The following PALLD variants were observed in gnomAD, a reference collection of about 807,000 sequenced individuals.
PALLD encodes palladin.
A neutral mutation model predicts 123.5 loss-of-function variants in PALLD; 61 were observed. The ratio of observed to expected loss-of-function variants is 0.49; its 90% confidence interval spans 0.40 to 0.61. PALLD has a LOEUF of 0.61. Ranked by LOEUF, PALLD falls within the 20% of genes least tolerant of loss-of-function variation. PALLD has a pLI of 0.00. For missense variants in PALLD, 1,273 were observed against 1,377.0 expected (o/e 0.92, Z 1.20); for synonymous variants, 465 against 496.4 (o/e 0.94, Z 0.84).
At chr4:168,787,594 T>A (rs1272956454) in intron 10 of PALLD, among the ~76,000 whole-genome samples, 2 of 152,234 alleles carry the variant, frequency 1.3e-5, no homozygotes, top group African/African-American at 4.8e-5. Flanking sequence ...GTGGCTGTCA[T>A]ACTGAACAGT....
chr4:168,886,973 C>T (rs993670736), intron 10 of PALLD, among the ~76,000 whole-genome samples: 1 of 151,876 alleles, frequency 6.6e-6, no homozygotes, highest in Non-Finnish European at 1.5e-5. Context: ...AAAAATTAGC[C>T]AGGCGTGGTG....
chr4:168,741,118 G>A (rs1788283239), intron 10 of PALLD, among the ~76,000 whole-genome samples: 2 of 151,996 alleles, frequency 1.3e-5, no homozygotes, highest in African/African-American at 4.8e-5. Context: ...CCCTATATAT[G>A]GCTCATTTCC....
chr4:168,542,629 A>C (rs897305983), intron 2 of PALLD, among the ~76,000 whole-genome samples: 5 of 143,876 alleles, frequency 3.5e-5, no homozygotes, highest in African/African-American at 1.3e-4. Flanking sequence ...GTAAAGCTAT[A>C]TGTAAGGCTC....
chr4:168,778,583 A>G (rs1581424106), intron 10 of PALLD, among the ~76,000 whole-genome samples: 1 of 152,202 alleles, frequency 6.6e-6, no homozygotes, highest in African/African-American at 2.4e-5. Context: ...AGCACATAGT[A>G]GATACTTAAT....
intron 2 of PALLD, among the ~76,000 whole-genome samples, chr4:168,542,545 T>C (rs1197632496): frequency 2.0e-5 from 3 of 151,380 alleles, no homozygotes; most frequent in Non-Finnish European, 4.4e-5. Context: ...TTTACCTAAC[T>C]TGGCACTTTA....
chr4:168,678,853 TGGTGTGTCGTGTG>T (rs1781148688), intron 3 of PALLD, among the ~76,000 whole-genome samples: 2 of 143,086 alleles, frequency 1.4e-5, no homozygotes, highest in Non-Finnish European at 3.1e-5. Flanking sequence ...GTGGTGTGTG[TGGTGTGTCGTGTG>T]GGTGTGGCGT....
chr4:168,549,754 C>CTATTT (rs1766535198), intron 2 of PALLD, among the ~76,000 whole-genome samples: 1 of 148,222 alleles, frequency 6.7e-6, no homozygotes, highest in Non-Finnish European at 1.5e-5. Flanking sequence ...CATTCATGGG[C>CTATTT]AATAGTTCAA....
intron 10 of PALLD, among the ~76,000 whole-genome samples, chr4:168,795,629 T>C (rs1216703868): frequency 2.0e-5 from 3 of 152,196 alleles, no homozygotes; most frequent in Non-Finnish European, 4.4e-5. Context: ...ATATAGAATG[T>C]TCTATTCCCC....
In PALLD at chr4:168,693,757, A is replaced by G. The variant is rs978703288; in HGVS notation, c.1501+2465A>G. Among the ~76,000 whole-genome samples the G allele has an allele frequency of 3.9e-5, 6 of 152,226 alleles. No homozygotes were observed. In the South Asian group the frequency reaches 6.2e-4, roughly 16 times the overall value. ...CCTGACCTACGATGATTTCTCCACA[A>G]TTGTTTTTACCATGACACGACGAGA... is the stretch of plus-strand genomic sequence containing the variant. On this transcript the variant is annotated intron_variant, in intron 8 of 21. Coordinates refer to ENST00000505667, the MANE Select transcript of PALLD (RefSeq NM_001166108.2).
At chr4:168,843,045 A>G (rs193268676) in intron 10 of PALLD, among the ~76,000 whole-genome samples, 15 of 152,356 alleles carry the variant, frequency 9.8e-5, no homozygotes, top group Admixed American at 5.2e-4. Context: ...AGGGAAATAC[A>G]TAGTGCCACC....
At chr4:168,894,554 AT>A (rs777923870) in intron 11 of PALLD, 24 bp from the exon 12 acceptor site, 3 of 1,518,972 alleles carry the variant, frequency 2.0e-6, no homozygotes, top group South Asian at 1.1e-5. Flanking sequence ...CTAATTTTGT[AT>A]TTTTTGTGAC....
chr4:168,719,153 G>A (rs778270867), intron 10 of PALLD, among the ~76,000 whole-genome samples: 13 of 150,318 alleles, frequency 8.6e-5, no homozygotes, highest in African/African-American at 2.0e-4. Context: ...TGACCCACCC[G>A]TCTTGTCCTC....
intron 10 of PALLD, among the ~76,000 whole-genome samples, chr4:168,730,619 C>A (rs1425814170): frequency 1.3e-5 from 2 of 152,070 alleles, no homozygotes; most frequent in Non-Finnish European, 2.9e-5. Flanking sequence ...TGTCAATGGG[C>A]AGGCTTTACC....
At chr4:168,752,099 C>T (rs1731139511) in intron 10 of PALLD, among the ~76,000 whole-genome samples, 1 of 152,202 alleles carries the variant, frequency 6.6e-6, no homozygotes, top group African/African-American at 2.4e-5. Flanking sequence ...TTCTTGTAGG[C>T]TGGGTGCTCA....
intron 10 of PALLD, among the ~76,000 whole-genome samples, chr4:168,779,507 A>C (rs1735603760): frequency 6.6e-6 from 1 of 150,914 alleles, no homozygotes; most frequent in Non-Finnish European, 1.5e-5. Flanking sequence ...AAAATCATAT[A>C]TATATAAAAT....
At chr4:168,774,758 C>G (rs1185949781) in intron 10 of PALLD, among the ~76,000 whole-genome samples, 1 of 136,586 alleles carries the variant, frequency 7.3e-6, no homozygotes, top group Non-Finnish European at 1.5e-5. Context: ...ATAGCAAATA[C>G]ATCCATCATC....
intron 2 of PALLD, among the ~76,000 whole-genome samples, chr4:168,517,918 T>C (rs1189041497): frequency 6.6e-6 from 1 of 152,198 alleles, no homozygotes; most frequent in Non-Finnish European, 1.5e-5. Flanking sequence ...AGAACTGTTT[T>C]ACGATACACA....
chr4:168,818,707 T>C (rs1277917813), intron 10 of PALLD, among the ~76,000 whole-genome samples: 1 of 152,238 alleles, frequency 6.6e-6, no homozygotes, highest in Non-Finnish European at 1.5e-5. Context: ...ATGTTTAGTA[T>C]AGCATATTTT....
At chr4:168,712,503 A>G (rs974964937) in intron 10 of PALLD, among the ~76,000 whole-genome samples, 10 of 152,158 alleles carry the variant, frequency 6.6e-5, no homozygotes, top group African/African-American at 2.2e-4. Flanking sequence ...CATGAATACC[A>G]TCTTCACAGT....
Sources: allele counts gnomAD v4.1 joint callset (sites outside exome capture counted in the v4.1 genomes callset), GRCh38; gene constraint gnomAD v4.1.1; transcripts MANE v1.5; gene names NCBI Gene and HGNC (gene_info 2026-07-23, HGNC 2026-07-21).